Variants in GRM1 observed in about 807,000 individuals in gnomAD.
GRM1 encodes glutamate metabotropic receptor 1, also known as metabotropic glutamate receptor 1.
A neutral mutation model predicts 90.9 loss-of-function variants in GRM1; 33 were observed. That is an observed-to-expected ratio of 0.36 (90% CI 0.28 to 0.49). GRM1 has a LOEUF of 0.49. Among genes scored for constraint, GRM1 ranks in the 20% least tolerant of loss-of-function variants. GRM1 has a pLI of 0.99. For missense variants in GRM1, 1,190 were observed against 1,534.3 expected (o/e 0.78, Z 3.75); for synonymous variants, 700 against 613.2 (o/e 1.14, Z -2.09).
At chr6:146,355,634 A>C (rs1481843617) in intron 4 of GRM1, among the ~76,000 whole-genome samples, 2 of 152,156 alleles carry the variant, frequency 1.3e-5, no homozygotes, top group East Asian at 3.9e-4. Context: ...CAGAAAACCC[A>C]ATCAACTGAC....
intron 2 of GRM1, among the ~76,000 whole-genome samples, chr6:146,292,242 T>G (rs567743373): frequency 6.6e-6 from 1 of 152,106 alleles, no homozygotes; most frequent in South Asian, 2.1e-4. Flanking sequence ...GGAATTTAAT[T>G]CTTAGCTATG....
intron 5 of GRM1, among the ~76,000 whole-genome samples, chr6:146,374,635 A>G (rs1486353727): frequency 6.6e-6 from 1 of 152,032 alleles, no homozygotes; most frequent in Non-Finnish European, 1.5e-5. Flanking sequence ...TTTCTTCTAG[A>G]TTTTTAAAAT....
intron 1 of GRM1, among the ~76,000 whole-genome samples, chr6:146,031,444 C>T (rs1279079232): frequency 6.6e-6 from 1 of 152,032 alleles, no homozygotes; most frequent in African/African-American, 2.4e-5. Flanking sequence ...TAGAAATTGA[C>T]AGCATCCATA....
chr6:146,082,349 T>C (rs1776391781), intron 1 of GRM1, among the ~76,000 whole-genome samples: 1 of 152,094 alleles, frequency 6.6e-6, no homozygotes, highest in South Asian at 2.1e-4. Flanking sequence ...AGAGACAGGG[T>C]TTCACCATAT....
intron 7 of GRM1, among the ~76,000 whole-genome samples, chr6:146,427,890 T>C (rs1778269398): frequency 6.6e-6 from 1 of 152,202 alleles, no homozygotes; most frequent in Non-Finnish European, 1.5e-5. Context: ...GCTGGCTGCC[T>C]GTCAAAAAGG....
rs778101852 is a variant in GRM1 at position 146,029,912 on chromosome 6, A to T, written c.395A>T (p.Asp132Val). Residue 132 changes from aspartate (D) to valine (V), a missense_variant, in exon 1 of 8, where the codon GAT (aspartate) becomes GTT (valine). By Grantham distance (152) the Asp-to-Val change is radical (BLOSUM62 -3). Around this residue, in one of 10 missense-constraint regions of GRM1, gnomAD observed 91 missense variants for 95.6 expected, o/e 0.95. Transcript: ENST00000282753. ...AGGGACTCTCTGATTTCCATTCGAG[A>T]TGAGAAGGATGGGATCAACCGGTGT... is the stretch of plus-strand genomic sequence containing the variant. ...FIRDSLISIRDEKDGINRCLP... is the reference protein window; with the variant it reads ...FIRDSLISIRVEKDGINRCLP... 2 of 1,614,034 alleles carry T rather than the reference A, an allele frequency of 1.2e-6. No homozygotes were observed. The highest frequency in any genetic ancestry group is 8.5e-7 in the Non-Finnish European group (1 of 1,179,986).
At chr6:146,425,128 G>C (rs1456139255) in intron 7 of GRM1, among the ~76,000 whole-genome samples, 2 of 152,110 alleles carry the variant, frequency 1.3e-5, no homozygotes, top group Non-Finnish European at 2.9e-5. Flanking sequence ...GGTAAATCAT[G>C]CACCTTTAAA....
At chr6:146,317,226 G>A (rs911948081) in intron 3 of GRM1, among the ~76,000 whole-genome samples, 6 of 152,036 alleles carry the variant, frequency 3.9e-5, no homozygotes, top group African/African-American at 1.5e-4. Flanking sequence ...GGTCTTTTGT[G>A]GTACAAAGAC....
At chr6:146,376,869 G>A (rs1022018471) in intron 5 of GRM1, among the ~76,000 whole-genome samples, 2 of 152,060 alleles carry the variant, frequency 1.3e-5, no homozygotes, top group Non-Finnish European at 2.9e-5. Context: ...GGGACCAAGT[G>A]GGAGGTAATT....
At chr6:146,118,840 T>C (rs1775867287) in intron 1 of GRM1, among the ~76,000 whole-genome samples, 1 of 152,220 alleles carries the variant, frequency 6.6e-6, no homozygotes. Context: ...CAGTCTATCA[T>C]TGATGGACAT....
chr6:146,209,405 C>T (rs896384920), intron 2 of GRM1, among the ~76,000 whole-genome samples: 4 of 152,032 alleles, frequency 2.6e-5, no homozygotes, highest in Non-Finnish European at 5.9e-5. Context: ...GTAAAATTTG[C>T]CAACTTTTTC....
intron 1 of GRM1, among the ~76,000 whole-genome samples, chr6:146,115,439 T>A (rs965589736): frequency 1.3e-5 from 2 of 152,164 alleles, no homozygotes; most frequent in African/African-American, 4.8e-5. Context: ...CTTTATAGTA[T>A]GCTATGCACT....
At chr6:146,430,054 C>T (rs1386177256) in intron 7 of GRM1, among the ~76,000 whole-genome samples, 2 of 152,288 alleles carry the variant, frequency 1.3e-5, no homozygotes, top group East Asian at 3.9e-4. Flanking sequence ...TTAAACCTCT[C>T]TGGATCAGAG....
intron 2 of GRM1, among the ~76,000 whole-genome samples, chr6:146,186,853 G>C (rs1778752986): frequency 6.6e-6 from 1 of 152,160 alleles, no homozygotes; most frequent in South Asian, 2.1e-4. Flanking sequence ...GGGTTATATT[G>C]TACATTGTCC....
chr6:146,128,744 A>G (rs552050107), intron 1 of GRM1, among the ~76,000 whole-genome samples: 57 of 152,312 alleles, frequency 3.7e-4, no homozygotes, highest in African/African-American at 1.3e-3. Flanking sequence ...TATAACAAAT[A>G]ATATTGTAAT....
At position 146,068,114 on chromosome 6, in the gene GRM1, A is replaced by ATTT. The variant is rs34212976; in HGVS notation, c.700+37910_700+37912dup. Among the ~76,000 whole-genome samples, 347 of 146,088 alleles carry ATTT rather than the reference A, an allele frequency of 2.4e-3. 4 individuals are homozygous for ATTT. Among genetic ancestry groups the ATTT allele is most frequent in the African/African-American group, 3.3e-3 (130 of 39,720 alleles). ...TTAAATATCATTGAACCTTCAAATA[A>ATTT]TTTTTTTTTTTTTTTGAGACGGAGT... On this transcript the variant is annotated intron_variant, in intron 1 of 7. Coordinates refer to ENST00000282753, the MANE Select transcript of GRM1 (RefSeq NM_001278064.2).
intron 3 of GRM1, among the ~76,000 whole-genome samples, chr6:146,321,386 A>G (rs1784184241): frequency 1.3e-5 from 2 of 152,102 alleles, no homozygotes; most frequent in Non-Finnish European, 2.9e-5. Flanking sequence ...TTTTACTTCC[A>G]ATTATGTGGT....
At chr6:146,395,195 A>G (rs1470613263) in intron 6 of GRM1, among the ~76,000 whole-genome samples, 1 of 152,202 alleles carries the variant, frequency 6.6e-6, no homozygotes, top group African/African-American at 2.4e-5. Context: ...TTTTAACTCT[A>G]TCTGGAAATG....
chr6:146,052,478 G>A (rs1242686156), intron 1 of GRM1, among the ~76,000 whole-genome samples: 1 of 151,922 alleles, frequency 6.6e-6, no homozygotes, highest in Admixed American at 6.6e-5. Flanking sequence ...AGAAGGATGG[G>A]GAGTTAGGGA....
Sources: allele counts gnomAD v4.1 joint callset (sites outside exome capture counted in the v4.1 genomes callset), GRCh38; gene constraint gnomAD v4.1.1; regional missense constraint gnomAD v4.1.1; transcripts MANE v1.5; gene names NCBI Gene and HGNC (gene_info 2026-07-23, HGNC 2026-07-21).